Variants in CRYBG3 observed in about 807,000 individuals in gnomAD.
CRYBG3 encodes crystallin beta-gamma domain containing 3, also known as very large A-kinase anchor protein.
CRYBG3 carries 127 observed loss-of-function variants against 244.2 expected under a neutral mutation model. The ratio of observed to expected loss-of-function variants is 0.52; its 90% CI spans 0.45 to 0.60. The LOEUF (loss-of-function observed/expected upper bound fraction) is 0.60. Ranked by LOEUF, CRYBG3 falls within the 20% of genes least tolerant of loss-of-function variation. The probability of loss-of-function intolerance (pLI) is 0.00; values close to 1 mark genes in which losing one functional copy is unlikely to be tolerated. For missense variants in CRYBG3, 3,325 were observed against 3,442.5 expected, an observed-to-expected ratio of 0.97 and a Z score of 0.85; for synonymous variants, 1,132 against 1,195.8, an observed-to-expected ratio of 0.95 and a Z score of 1.10.
At chr3:97,904,629 A>G (rs1238470344) in intron 15 of CRYBG3, among the ~76,000 whole-genome samples, 1 of 151,856 alleles carries the variant, frequency 6.6e-6, no homozygotes, top group Non-Finnish European at 1.5e-5. Context: ...AGTGAACAAG[A>G]CAACCTGTCT....
chr3:97,864,151 A>G, intron 2 of CRYBG3, 66 bp from the exon 3 acceptor site: 1 of 1,257,030 alleles, frequency 8.0e-7, no homozygotes, highest in Non-Finnish European at 1.1e-6. Context: ...CTGTTTTATA[A>G]TAGCTTATCA....
intron 17 of CRYBG3, among the ~76,000 whole-genome samples, chr3:97,922,113 G>C (rs1389550433): frequency 6.6e-6 from 1 of 152,156 alleles, no homozygotes; most frequent in Non-Finnish European, 1.5e-5. Flanking sequence ...GCTACAAATA[G>C]AGGGAGACTA....
At chr3:97,865,730 T>TACAAA (rs1266070827) in intron 3 of CRYBG3, among the ~76,000 whole-genome samples, 1 of 152,204 alleles carries the variant, frequency 6.6e-6, no homozygotes, top group Non-Finnish European at 1.5e-5. Flanking sequence ...TGGCATTATG[T>TACAAA]GTTCCTCATC....
intron 17 of CRYBG3, among the ~76,000 whole-genome samples, chr3:97,921,785 T>C (rs1312634256): frequency 2.0e-5 from 3 of 152,188 alleles, no homozygotes; most frequent in Admixed American, 6.5e-5. Flanking sequence ...TTCAGACTAT[T>C]GCATAAAACA....
intron 17 of CRYBG3, 24 bp downstream of exon 17, chr3:97,915,760 C>A: frequency 6.4e-7 from 1 of 1,561,868 alleles, no homozygotes; most frequent in Non-Finnish European, 8.7e-7. Context: ...AAAATGCATA[C>A]TTATAAGATT....
chr3:97,838,446 G>A (rs1362820039), intron 1 of CRYBG3, among the ~76,000 whole-genome samples: 4 of 152,072 alleles, frequency 2.6e-5, no homozygotes, highest in African/African-American at 7.2e-5. Context: ...ACAATCTGGG[G>A]TAAAGGGTGA....
chr3:97,892,878 C>T lies in CRYBG3; in HGVS notation c.7459C>T (p.Pro2487Ser). ...TTTTCAGGTTATTATTTATGAAAAA[C>T]CTCACTTCCATGGACAGGCTAAAGA... ...MNLKVIIYEK[P>S]HFHGQAKEFS... The change falls in exon 11 of 22, where the codon CCT (proline) becomes TCT (serine). Residue 2487 changes from proline (P) to serine (S), a missense_variant. Pro to Ser is a moderately conservative substitution (Grantham distance 74). Around this residue, in one of 4 missense-constraint regions of CRYBG3, gnomAD observed 714 missense variants for 803.6 expected, o/e 0.89. Transcript: ENST00000389622. The T allele has an allele frequency of 6.7e-7, 1 of 1,498,080 alleles. No homozygotes were observed. Among genetic ancestry groups the T allele is most frequent in the South Asian group, 1.3e-5 (1 of 79,436 alleles). 92.8% of individuals were successfully genotyped at this position (1,498,080 alleles called of 1,614,324 possible).
rs1263128088 is a variant in CRYBG3, at chr3:97,875,164, A to G, written c.3970A>G (p.Thr1324Ala). 4.6e-6 allele frequency: 7 copies of G among 1,535,198 alleles called. No individual in the cohort carries two copies. In the African/African-American group the frequency reaches 5.5e-5, roughly 12 times the overall value. Residue 1324 changes from threonine to alanine, a missense_variant, in exon 4 of 22, where the codon ACT becomes GCT. Around this residue, in one of 4 missense-constraint regions of CRYBG3, gnomAD observed 635 missense variants for 771.7 expected, o/e 0.82. Transcript: ENST00000389622. ...AGCCCAAGAAAAATTGAGAAATGAT[A>G]CTTTTGAAGATACTGAGGATACTTG... is the stretch of plus-strand genomic sequence containing the variant. Reference protein sequence around the residue: ...YVAQEKLRNDTFEDTEDTWDS... With the variant: ...YVAQEKLRNDAFEDTEDTWDS...
chr3:97,928,393 A>T (rs928629747), intron 17 of CRYBG3, among the ~76,000 whole-genome samples: 2 of 151,942 alleles, frequency 1.3e-5, no homozygotes, highest in African/African-American at 4.8e-5. Flanking sequence ...AATAAACACC[A>T]GGGCCTGCTT....
Position 97,942,447 on chromosome 3 carries a change from G to A in CRYBG3, c.8824+4G>A. ...CAACTTGTCCTTGATGTTAAAGGTG[G>A]GCCTTTGATGATACCCAATGTTGTG... On this transcript the variant is annotated splice_donor_region_variant and intron_variant, in intron 21 of 21. Coordinates refer to ENST00000389622, the MANE Select transcript of CRYBG3 (RefSeq NM_153605.4). 6.2e-7 allele frequency: 1 copy of A among 1,604,940 alleles called. No homozygotes were observed. The highest frequency in any genetic ancestry group is 8.5e-7 in the Non-Finnish European group (1 of 1,174,820).
intron 19 of CRYBG3, among the ~76,000 whole-genome samples, chr3:97,937,376 C>T (rs188121844): frequency 1.3e-5 from 2 of 152,222 alleles, no homozygotes; most frequent in East Asian, 3.9e-4. Flanking sequence ...CCCGCTACCC[C>T]ACCTTGCTTC....
intron 17 of CRYBG3, among the ~76,000 whole-genome samples, chr3:97,928,827 T>G (rs929749636): frequency 6.6e-6 from 1 of 151,904 alleles, no homozygotes; most frequent in Non-Finnish European, 1.5e-5. Context: ...GGAAAAAAAT[T>G]TTTGATTTTA....
Position 97,872,674 on chromosome 3 carries a change from A to C in CRYBG3, c.1480A>C (p.Ile494Leu). The C allele has an allele frequency of 6.5e-7, 1 of 1,535,914 alleles. No homozygotes were observed. Among genetic ancestry groups the C allele is most frequent in the South Asian group, 1.2e-5 (1 of 84,056 alleles). Reference protein sequence around the residue: ...SKQAATHTNIIALQRHAVTDT... With the variant: ...SKQAATHTNILALQRHAVTDT... ...GCAAGCTGCCACTCACACCAATATC[A>C]TTGCTCTTCAGAGACATGCTGTGAC... The change falls in exon 4 of 22, where the codon ATT becomes CTT. Residue 494 changes from isoleucine (I) to leucine (L), a missense_variant. Ile to Leu is a conservative substitution (Grantham distance 5, BLOSUM62 2). This residue lies in a region of CRYBG3 where 1,526 missense variants were observed against 1,443.2 expected (regional missense o/e 1.06). Transcript: ENST00000389622.
At chr3:97,856,295 T>A (rs2039063157) in intron 2 of CRYBG3, among the ~76,000 whole-genome samples, 1 of 152,320 alleles carries the variant, frequency 6.6e-6, no homozygotes, top group Admixed American at 6.5e-5. Context: ...GCTGTTATCC[T>A]GTTCTTTTTT....
At chr3:97,854,710 C>T (rs761656383) in intron 2 of CRYBG3, among the ~76,000 whole-genome samples, 11 of 150,694 alleles carry the variant, frequency 7.3e-5, no homozygotes, top group Non-Finnish European at 1.3e-4. Flanking sequence ...TTTTTTTATC[C>T]TGGAATTTTA....
Position 97,915,701 on chromosome 3 carries a change from G to C in CRYBG3, c.8206G>C (p.Ala2736Pro), listed in dbSNP as rs376928626. 564 of 1,612,560 alleles carry C rather than the reference G, an allele frequency of 3.5e-4. 2 individuals carry two copies. Among genetic ancestry groups the C allele is most frequent in the Non-Finnish European group, 4.4e-4 (520 of 1,178,906 alleles). Reference sequence around the variant, plus strand: ...TGACCTTACTTCCTGCGGTTGCCCAGCATCTAAAGTCAAATCTCTCAAGCC... The same window carrying C: ...TGACCTTACTTCCTGCGGTTGCCCACCATCTAAAGTCAAATCTCTCAAGCC... ...YADLTSCGCPASKVKSLKPID... is the reference protein window; with the variant it reads ...YADLTSCGCPPSKVKSLKPID... The change falls in exon 17 of 22, where the codon GCA becomes CCA. Residue 2736 changes from alanine to proline, a missense_variant. Around this residue, in one of 4 missense-constraint regions of CRYBG3, gnomAD observed 714 missense variants for 803.6 expected, o/e 0.89. Transcript: ENST00000389622.
At chr3:97,864,154 G>C in intron 2 of CRYBG3, 63 bp from the exon 3 acceptor site, 1 of 1,266,836 alleles carries the variant, frequency 7.9e-7, no homozygotes, top group Non-Finnish European at 1.1e-6. Context: ...TTTTATAATA[G>C]CTTATCAGTC....
At chr3:97,906,286 G>T (rs1243792078) in intron 15 of CRYBG3, among the ~76,000 whole-genome samples, 1 of 127,446 alleles carries the variant, frequency 7.8e-6, no homozygotes, top group African/African-American at 2.7e-5. Context: ...GTGAAGAAAG[G>T]CATTGGTAGC....
chr3:97,847,944 A>G lies in CRYBG3; in HGVS notation c.216+4683A>G, dbSNP rs148691440. Among the ~76,000 whole-genome samples, 946 of 152,340 alleles carry G rather than the reference A, an allele frequency of 6.2e-3. 10 individuals are homozygous for G. Among genetic ancestry groups the G allele is most frequent in the African/African-American group, 0.022 (918 of 41,586 alleles). On this transcript the variant is annotated intron_variant, in intron 2 of 21. Coordinates refer to ENST00000389622, the MANE Select transcript of CRYBG3 (RefSeq NM_153605.4). ...TCTAATAAGTAAATCACTTATTACAAAGAACCGCATTTTTTGTTGCCACTG... is the reference window on the plus strand; with the variant it reads ...TCTAATAAGTAAATCACTTATTACAGAGAACCGCATTTTTTGTTGCCACTG...
Sources: allele counts gnomAD v4.1 joint callset (sites outside exome capture counted in the v4.1 genomes callset), GRCh38; gene constraint gnomAD v4.1.1; regional missense constraint gnomAD v4.1.1; transcripts MANE v1.5; gene names NCBI Gene and HGNC (gene_info 2026-07-23, HGNC 2026-07-21).